The following GGACT variants were observed in gnomAD, a reference collection of about 807,000 sequenced individuals.
GGACT encodes the protein gamma-glutamylamine cyclotransferase, also known as gamma-glutamylaminecyclotransferase.
For synonymous variants in GGACT, 118 were observed against 115.3 expected (o/e 1.02, Z -0.15); for missense variants, 241 against 233.2 (o/e 1.03, Z -0.22).
At chr13:100,543,331 C>G (rs187403837) in intron 2 of GGACT, among the ~76,000 whole-genome samples, 3 of 151,320 alleles carry the variant, frequency 2.0e-5, no homozygotes, top group African/African-American at 7.3e-5. Flanking sequence ...CCTCAGCCTC[C>G]TGAGTAGCTG....
At chr13:100,562,193 G>T (rs756744709) in intron 2 of GGACT, among the ~76,000 whole-genome samples, 2 of 152,018 alleles carry the variant, frequency 1.3e-5, no homozygotes, top group African/African-American at 4.8e-5. Flanking sequence ...TCTATAAAAC[G>T]GCAAGCCCCT....
At chr13:100,585,069 C>T (rs1217899122) in intron 1 of GGACT, among the ~76,000 whole-genome samples, 2 of 152,196 alleles carry the variant, frequency 1.3e-5, no homozygotes, top group East Asian at 3.9e-4. Context: ...CTAGATCTAA[C>T]TTCTAGTTTA....
intron 2 of GGACT, among the ~76,000 whole-genome samples, chr13:100,548,754 CCA>C (rs1162947479): frequency 6.6e-6 from 1 of 152,198 alleles, no homozygotes. Context: ...GAGGTCAAAG[CCA>C]CACTCCTGTC....
At position 100,532,424 on chromosome 13, in the gene GGACT, C is replaced by G; in HGVS notation, c.168G>C (p.Leu56=). The change falls in exon 3 of 3, where the codon CTG becomes CTC. Residue 56 remains leucine (L), a synonymous_variant. Transcript: ENST00000683975. ...GEHNIPWLLH[L]PGSGRLVEGE... ...CCTCCACGAGGCGCCCCGAGCCGGG[C>G]AGGTGCAGCAGCCACGGGATGTTGT... 6.5e-7 allele frequency: 1 copy of G among 1,550,056 alleles called. No individual in the cohort carries two copies. Among genetic ancestry groups the G allele is most frequent in the Non-Finnish European group, 8.7e-7 (1 of 1,146,640 alleles).
chr13:100,554,739 CAT>C (rs1342955925), intron 2 of GGACT, among the ~76,000 whole-genome samples: 4 of 152,096 alleles, frequency 2.6e-5, no homozygotes, highest in African/African-American at 4.8e-5. Context: ...ATTGATAAGG[CAT>C]GTGTGCAAAG....
intron 2 of GGACT, among the ~76,000 whole-genome samples, chr13:100,566,816 C>T (rs1377910291): frequency 6.6e-6 from 1 of 152,266 alleles, no homozygotes; most frequent in Non-Finnish European, 1.5e-5. Context: ...TTACCACCTT[C>T]TCGCAGACAG....
intron 2 of GGACT, chr13:100,535,763 T>C (rs537619726): frequency 1.2e-3 from 182 of 152,328 alleles, no homozygotes; most frequent in African/African-American, 4.1e-3. Context: ...GACAACTTTA[T>C]GTTTTCCTTG....
intron 2 of GGACT, among the ~76,000 whole-genome samples, 190 bp from the exon 3 acceptor site, chr13:100,532,791 T>G (rs1425352388): frequency 6.6e-6 from 1 of 152,240 alleles, no homozygotes; most frequent in Non-Finnish European, 1.5e-5. Flanking sequence ...TCATGAGATA[T>G]TTTGACTTTC....
chr13:100,574,881 A>G (rs2153016605), intron 2 of GGACT, among the ~76,000 whole-genome samples: 1 of 152,224 alleles, frequency 6.6e-6, no homozygotes, highest in South Asian at 2.1e-4. Context: ...GTGTATTAAA[A>G]AAAAAAGAGA....
intron 2 of GGACT, among the ~76,000 whole-genome samples, chr13:100,548,530 T>A (rs2088628941): frequency 6.6e-6 from 1 of 152,182 alleles, no homozygotes; most frequent in Admixed American, 6.5e-5. Flanking sequence ...AAATACAAAT[T>A]AAAGATACAG....
rs542241508 is a variant in GGACT, at chr13:100,577,202, G to A, written c.-11+6623C>T. Among the ~76,000 whole-genome samples the A allele has an allele frequency of 1.8e-3, 273 of 152,154 alleles. 2 individuals carry two copies. The highest frequency in any genetic ancestry group is 3.1e-3 in the Non-Finnish European group (211 of 67,996). On this transcript the variant is annotated intron_variant, in intron 2 of 2. Coordinates refer to ENST00000683975, the MANE Select transcript of GGACT (RefSeq NM_001195087.2). ...AGGCTGAGGACGGCGGATCATCTGAGGTCAGGAGTTCAAGACCAGCCTGGC... is the reference window on the plus strand; with the variant it reads ...AGGCTGAGGACGGCGGATCATCTGAAGTCAGGAGTTCAAGACCAGCCTGGC...
chr13:100,569,827 CCT>C lies in GGACT; in HGVS notation c.-11+13996_-11+13997del, dbSNP rs146730141. Among the ~76,000 whole-genome samples the C allele has an allele frequency of 7.4e-4, 112 of 152,328 alleles. 2 individuals are homozygous for C. The East Asian group carries it at 0.022, about 29-fold the overall frequency. On this transcript the variant is annotated intron_variant, in intron 2 of 2. Coordinates refer to ENST00000683975, the MANE Select transcript of GGACT (RefSeq NM_001195087.2). ...TTCTACCACCAGATACCCTAAATCA[CCT>C]CTCTCAAGTTCAAAGTTCCACAGAT...
At chr13:100,558,182 C>CAA (rs35098533) in intron 2 of GGACT, among the ~76,000 whole-genome samples, 1,627 of 113,620 alleles carry the variant, frequency 0.014, 38 homozygotes, top group African/African-American at 0.049. Flanking sequence ...AACTCCATCT[C>CAA]AAAAAAAAAA....
At chr13:100,577,178 G>A (rs1875271505) in intron 2 of GGACT, among the ~76,000 whole-genome samples, 1 of 152,158 alleles carries the variant, frequency 6.6e-6, no homozygotes, top group Non-Finnish European at 1.5e-5. Context: ...CACTTTGGGA[G>A]GCTGAGGACG....
At chr13:100,547,711 A>G (rs1403986450) in intron 2 of GGACT, among the ~76,000 whole-genome samples, 1 of 152,216 alleles carries the variant, frequency 6.6e-6, no homozygotes, top group Non-Finnish European at 1.5e-5. Flanking sequence ...TTCTGGAGAC[A>G]TTCAATAAAA....
At chr13:100,571,511 CTCATTTGGCCAGGCTGGTT>C (rs1335581396) in intron 2 of GGACT, among the ~76,000 whole-genome samples, 1 of 152,046 alleles carries the variant, frequency 6.6e-6, no homozygotes, top group East Asian at 1.9e-4. Context: ...GAGACGGGGT[CTCATTTGGCCAGGCTGGTT>C]TCAAGCTTCT....
intron 2 of GGACT, among the ~76,000 whole-genome samples, chr13:100,556,256 A>G (rs2088707389): frequency 6.6e-6 from 1 of 152,256 alleles, no homozygotes; most frequent in African/African-American, 2.4e-5. Flanking sequence ...GGTTACTAGA[A>G]CTAATGAGGT....
At chr13:100,537,732 G>C (rs1381421292) in intron 2 of GGACT, 1 of 152,322 alleles carries the variant, frequency 6.6e-6, no homozygotes, top group African/African-American at 2.4e-5. Flanking sequence ...ACTCGGGCAG[G>C]GAGACTGCCG....
intron 2 of GGACT, among the ~76,000 whole-genome samples, chr13:100,570,479 G>A (rs919535953): frequency 1.3e-5 from 2 of 152,114 alleles, no homozygotes; most frequent in Non-Finnish European, 2.9e-5. Flanking sequence ...GAACAGGATG[G>A]GGGGGAACCG....
Sources: gnomAD v4.1 joint callset for allele counts (sites outside exome capture counted in the v4.1 genomes callset) on GRCh38, gnomAD v4.1.1 for gene constraint, MANE v1.5 for transcripts, NCBI Gene and HGNC (gene_info 2026-07-23, HGNC 2026-07-21) for gene names.